Variants in TMCC2 observed in about 807,000 individuals in gnomAD.
TMCC2 encodes transmembrane and coiled-coil domains protein 2.
In TMCC2, 16 loss-of-function variants were observed where a neutral mutation model predicts 49.4. That is an observed-to-expected ratio of 0.32 (90% CI 0.22 to 0.49). TMCC2 has a LOEUF of 0.49. TMCC2 is among the 20% of genes least tolerant of loss of function. The pLI is 0.99. For synonymous variants in TMCC2, 397 were observed against 434.1 expected, an observed-to-expected ratio of 0.91 and a Z score of 1.06; for missense variants, 762 against 989.8, an observed-to-expected ratio of 0.77 and a Z score of 3.09.
intron 1 of TMCC2, among the ~76,000 whole-genome samples, chr1:205,237,948 C>G (rs571553724): frequency 6.6e-6 from 1 of 152,202 alleles, no homozygotes; most frequent in South Asian, 2.1e-4. Flanking sequence ...CTGGGGACGG[C>G]ACTTCTTGCT....
intron 1 of TMCC2, 78 bp downstream of exon 1, chr1:205,228,849 G>T: frequency 6.7e-7 from 1 of 1,488,508 alleles, no homozygotes; most frequent in Non-Finnish European, 9.0e-7. Flanking sequence ...GCTTTAACAG[G>T]ATAAAAGTGA....
At chr1:205,229,338 G>C (rs1659689522) in intron 1 of TMCC2, among the ~76,000 whole-genome samples, 1 of 151,862 alleles carries the variant, frequency 6.6e-6, no homozygotes, top group Non-Finnish European at 1.5e-5. Flanking sequence ...ACAGGCACCC[G>C]CCACCACGCC....
intron 2 of TMCC2, among the ~76,000 whole-genome samples, chr1:205,252,091 A>G (rs146622650): frequency 2.2e-3 from 332 of 152,328 alleles, no homozygotes; most frequent in Non-Finnish European, 3.9e-3. Flanking sequence ...CTATAAAGGC[A>G]TGAAATCATC....
intron 2 of TMCC2, chr1:205,268,138 G>A (rs971797209): frequency 1.7e-5 from 16 of 943,450 alleles, no homozygotes; most frequent in Non-Finnish European, 2.0e-5. Context: ...ATGGGGTGGC[G>A]AGGGCAGGCA....
intron 2 of TMCC2, among the ~76,000 whole-genome samples, chr1:205,254,237 T>C (rs1456313053): frequency 6.6e-6 from 1 of 152,216 alleles, no homozygotes; most frequent in Non-Finnish European, 1.5e-5. Flanking sequence ...CGAGCCCAGC[T>C]CTGGCACATC....
chr1:205,239,972 G>GA (rs1026945243), intron 1 of TMCC2, among the ~76,000 whole-genome samples: 125 of 143,248 alleles, frequency 8.7e-4, no homozygotes, highest in Admixed American at 1.5e-3. Context: ...TGTTTCTAGG[G>GA]AAAAAAAAAA....
intron 1 of TMCC2, among the ~76,000 whole-genome samples, chr1:205,236,207 C>T (rs1197829485): frequency 6.6e-6 from 1 of 152,196 alleles, no homozygotes; most frequent in African/African-American, 2.4e-5. Flanking sequence ...CCCAAGCCCT[C>T]CCTAAGCCAT....
At chr1:205,239,691 G>A (rs184205774) in intron 1 of TMCC2, among the ~76,000 whole-genome samples, 4 of 152,316 alleles carry the variant, frequency 2.6e-5, no homozygotes, top group Admixed American at 2.0e-4. Context: ...TTGTGATGAT[G>A]TAATTTATCT....
intron 4 of TMCC2, 129 bp downstream of exon 4, chr1:205,271,384 C>A (rs777653444): frequency 6.7e-7 from 1 of 1,482,318 alleles, no homozygotes; most frequent in South Asian, 1.2e-5. Flanking sequence ...CCGATAGGCA[C>A]ATGGATGAAG....
chr1:205,235,527 G>A (rs1335590186), intron 1 of TMCC2, among the ~76,000 whole-genome samples: 1 of 152,150 alleles, frequency 6.6e-6, no homozygotes, highest in Non-Finnish European at 1.5e-5. Context: ...TGGGGAAAAG[G>A]GCTCAGGCAG....
At position 205,241,895 on chromosome 1, in the gene TMCC2, A is replaced by C; in HGVS notation, c.598A>C (p.Lys200Gln). Residue 200 changes from lysine to glutamine, a missense_variant, in exon 2 of 5, where the codon AAG (lysine) becomes CAG (glutamine). By Grantham distance (53) the Lys-to-Gln change is moderately conservative. This residue lies in a region of TMCC2 where 322 missense variants were observed against 353.1 expected (regional missense o/e 0.91). Transcript: ENST00000358024. This position sits in a 1 kb window ranked among gnomAD's most constrained non-coding sequence, Gnocchi z 7.3. ...PQRGSPHLLR[K>Q]APQDSSLAAI... is the part of the protein sequence containing the mutation. ...GCGTGGCAGCCCTCACCTGCTGCGC[A>C]AGGCCCCCCAGGACAGCAGCCTGGC... The C allele has an allele frequency of 1.2e-6, 2 of 1,608,460 alleles. No homozygotes were observed. Among genetic ancestry groups the C allele is most frequent in the East Asian group, 2.2e-5 (1 of 44,744 alleles).
intron 2 of TMCC2, among the ~76,000 whole-genome samples, chr1:205,249,067 T>C (rs955162176): frequency 2.0e-5 from 3 of 152,102 alleles, no homozygotes; most frequent in African/African-American, 7.2e-5. Flanking sequence ...GGCCCCACTT[T>C]GAGAGCAGGC....
At chr1:205,267,863 A>C in intron 2 of TMCC2, 1 of 985,126 alleles carries the variant, frequency 1.0e-6, no homozygotes, top group Non-Finnish European at 1.2e-6. Context: ...CTGGGCGGCT[A>C]GTAGCCTCAG....
At chr1:205,251,625 A>C (rs1660672480) in intron 2 of TMCC2, among the ~76,000 whole-genome samples, 1 of 152,182 alleles carries the variant, frequency 6.6e-6, no homozygotes, top group African/African-American at 2.4e-5. Context: ...TGTAACATTA[A>C]CTTCATTGTA....
intron 2 of TMCC2, among the ~76,000 whole-genome samples, chr1:205,244,250 G>A (rs2102549813): frequency 6.6e-6 from 1 of 152,296 alleles, no homozygotes; most frequent in South Asian, 2.1e-4. Flanking sequence ...CCTCCATGCT[G>A]GCTGGAGAGG....
intron 2 of TMCC2, among the ~76,000 whole-genome samples, chr1:205,245,358 G>A (rs1021388117): frequency 1.3e-5 from 2 of 152,186 alleles, no homozygotes; most frequent in Admixed American, 1.3e-4. Context: ...GACTCTGGAA[G>A]GTCCAGTGGG....
chr1:205,245,258 G>A (rs1660412489), intron 2 of TMCC2, among the ~76,000 whole-genome samples: 1 of 152,202 alleles, frequency 6.6e-6, no homozygotes, highest in Admixed American at 6.5e-5. Flanking sequence ...ATTAATGAGG[G>A]CTCCGGGGCA....
At chr1:205,236,202 G>A (rs1028803266) in intron 1 of TMCC2, among the ~76,000 whole-genome samples, 1 of 151,968 alleles carries the variant, frequency 6.6e-6, no homozygotes, top group Non-Finnish European at 1.5e-5. Context: ...CCCCTCCCAA[G>A]CCCTCCCTAA....
At chr1:205,250,313 G>A (rs1340011760) in intron 2 of TMCC2, among the ~76,000 whole-genome samples, 3 of 152,238 alleles carry the variant, frequency 2.0e-5, no homozygotes, top group South Asian at 4.1e-4. Flanking sequence ...GGCCGAGGTG[G>A]GTGTATCACC....
Sources: allele counts gnomAD v4.1 joint callset (sites outside exome capture counted in the v4.1 genomes callset), GRCh38; gene constraint gnomAD v4.1.1; regional missense constraint gnomAD v4.1.1; non-coding constraint Gnocchi (gnomAD v3.1); transcripts MANE v1.5; gene names NCBI Gene and HGNC (gene_info 2026-07-23, HGNC 2026-07-21).